AZI2: variants seen among roughly 807,000 people sequenced by gnomAD.
AZI2 encodes the protein 5-azacytidine-induced protein 2.
AZI2 carries 22 observed loss-of-function variants against 45.8 expected under a neutral mutation model. The observed-to-expected ratio is 0.48, with a 90% confidence interval of 0.34 to 0.69. The LOEUF (loss-of-function observed/expected upper bound fraction) is 0.69, where lower values mean the gene tolerates loss of function less well. Ranked by LOEUF, AZI2 falls within the 30% of genes least tolerant of loss-of-function variation. AZI2 has a pLI of 0.01. For missense variants in AZI2, 417 were observed against 441.5 expected, an observed-to-expected ratio of 0.94 and a Z score of 0.50; for synonymous variants, 137 against 156.7, an observed-to-expected ratio of 0.87 and a Z score of 0.94.
intron 1 of AZI2, among the ~76,000 whole-genome samples, chr3:28,344,012 A>AT (rs34560970): frequency 0.25 from 37,302 of 151,728 alleles, 4,847 homozygotes; most frequent in Admixed American, 0.3. Context: ...GCATAAAAGG[A>AT]TTTTTCAAGT....
intron 1 of AZI2, among the ~76,000 whole-genome samples, chr3:28,344,632 T>A (rs1484788265): frequency 2.0e-5 from 3 of 152,126 alleles, no homozygotes; most frequent in Non-Finnish European, 4.4e-5. Context: ...TCTGATTTTC[T>A]AGATAAATGG....
chr3:28,328,750 CTT>C (rs879775657), intron 6 of AZI2, among the ~76,000 whole-genome samples: 1 of 151,222 alleles, frequency 6.6e-6, no homozygotes, highest in Admixed American at 6.6e-5. Context: ...AGCTCTCCCT[CTT>C]GTGGATAAGA....
At chr3:28,329,270 TGAG>T (rs1441062800) in intron 6 of AZI2, among the ~76,000 whole-genome samples, 1 of 151,180 alleles carries the variant, frequency 6.6e-6, no homozygotes, top group Non-Finnish European at 1.5e-5. Context: ...GGAAATGGGT[TGAG>T]AAGTCTACTC....
rs1703197121 is a variant in AZI2 at position 28,321,821 on chromosome 3, TTAGC to T, written c.*2217_*2220del. 6.6e-6 allele frequency: 1 copy of T among 151,342 alleles called. No individual in the cohort carries two copies. The highest frequency in any genetic ancestry group is 2.4e-5 in the African/African-American group (1 of 41,350). The allele number at this position is 151,342 out of a possible 1,614,324, so 9.4% of individuals were successfully genotyped here. A position where few individuals can be genotyped will look rare whatever the true frequency, so the allele number is the denominator to read the frequency against. On this transcript the variant is annotated 3_prime_UTR_variant, in exon 8 of 8. Transcript: ENST00000479665. ...AAGTCTTACAGATGTAAATTTTACT[TTAGC>T]TAATAAGGGAGCAAGAGGAAGGAAT...
chr3:28,335,719 A>G (rs1703763446), intron 5 of AZI2, among the ~76,000 whole-genome samples: 1 of 151,988 alleles, frequency 6.6e-6, no homozygotes, highest in South Asian at 2.1e-4. Flanking sequence ...AGCTCCATCT[A>G]AGAACACTTG....
At chr3:28,329,498 G>T (rs1369799644) in intron 6 of AZI2, among the ~76,000 whole-genome samples, 1 of 151,108 alleles carries the variant, frequency 6.6e-6, no homozygotes, top group Non-Finnish European at 1.5e-5. Flanking sequence ...ACAACTGAAG[G>T]AGGGAGTACA....
intron 1 of AZI2, among the ~76,000 whole-genome samples, chr3:28,343,442 G>T (rs1210635518): frequency 1.3e-5 from 2 of 151,912 alleles, no homozygotes; most frequent in Non-Finnish European, 2.9e-5. Flanking sequence ...GGTCCTTCCT[G>T]GTAGAGGCAC....
intron 5 of AZI2, 43 bp downstream of exon 5, chr3:28,336,694 C>T (rs1703805431): frequency 6.4e-7 from 1 of 1,574,534 alleles, no homozygotes; most frequent in Admixed American, 1.7e-5. Flanking sequence ...ACATATGATA[C>T]ACAAAAAATA....
chr3:28,332,532 T>A, intron 5 of AZI2, 105 bp from the exon 6 acceptor site: 5 of 830,882 alleles, frequency 6.0e-6, no homozygotes, highest in Non-Finnish European at 7.6e-6. Flanking sequence ...ACAGAATATA[T>A]CTGTAAGTGC....
rs1203987903 is a variant in AZI2 at position 28,322,142 on chromosome 3, T to C, written c.*1900A>G. ...AATCTTTCCTTACTAAAGAACCTTA[T>C]ACATCATTTGTCTAACACTTTAAAC... On this transcript the variant is annotated 3_prime_UTR_variant, in exon 8 of 8. Transcript: ENST00000479665. 1 of 151,286 alleles carries C rather than the reference T, an allele frequency of 6.6e-6. No individual in the cohort carries two copies. Among genetic ancestry groups the C allele is most frequent in the Non-Finnish European group, 1.5e-5 (1 of 67,444 alleles). The allele number at this position is 151,286 out of a possible 1,614,324, so 9.4% of individuals were successfully genotyped here. A position where few individuals can be genotyped will look rare whatever the true frequency, so the allele number is the denominator to read the frequency against.
chr3:28,330,230 C>T (rs1189423134), intron 6 of AZI2, among the ~76,000 whole-genome samples: 2 of 151,090 alleles, frequency 1.3e-5, no homozygotes, highest in Non-Finnish European at 3.0e-5. Flanking sequence ...ATGTTTTATA[C>T]AAGGAGTATC....
chr3:28,322,001 A>C lies in AZI2; in HGVS notation c.*2041T>G, dbSNP rs1703202127. 1 of 151,384 alleles carries C rather than the reference A, an allele frequency of 6.6e-6. No individual in the cohort carries two copies. The highest frequency in any genetic ancestry group is 1.9e-4 in the East Asian group (1 of 5,162). 9.4% of individuals were successfully genotyped at this position (151,384 alleles called of 1,614,324 possible). Reference sequence around the variant, plus strand: ...AAGTCAACATAAAATATTCAATTTTAAATAGATTCATAAGCTACAGATGGG... The same window carrying C: ...AAGTCAACATAAAATATTCAATTTTCAATAGATTCATAAGCTACAGATGGG... On this transcript the variant is annotated 3_prime_UTR_variant, in exon 8 of 8. Coordinates refer to ENST00000479665, the MANE Select transcript of AZI2 (RefSeq NM_022461.5).
intron 1 of AZI2, 25 bp from the exon 2 acceptor site, chr3:28,340,647 G>A: frequency 5.3e-6 from 8 of 1,517,268 alleles, no homozygotes; most frequent in African/African-American, 1.4e-5. Flanking sequence ...AAAAATATGA[G>A]TGACAAATGT....
chr3:28,334,130 C>T (rs905210217), intron 5 of AZI2, among the ~76,000 whole-genome samples: 3 of 151,616 alleles, frequency 2.0e-5, no homozygotes, highest in Non-Finnish European at 4.4e-5. Context: ...AGTTCCCTCA[C>T]TAAATATTTA....
chr3:28,327,393 T>TA (rs1293763079), intron 6 of AZI2, among the ~76,000 whole-genome samples: 1 of 151,086 alleles, frequency 6.6e-6, no homozygotes, highest in African/African-American at 2.4e-5. Flanking sequence ...ATTGAAATGA[T>TA]ATATCAACTG....
chr3:28,325,716 C>G (rs1156534624), intron 7 of AZI2, among the ~76,000 whole-genome samples: 4 of 151,030 alleles, frequency 2.6e-5, no homozygotes. Context: ...ACATTGAAAA[C>G]TCAATGCAGA....
Position 28,326,954 on chromosome 3 carries a change from A to T in AZI2, c.648-4T>A. On this transcript the variant is annotated splice_polypyrimidine_tract_variant and splice_region_variant and intron_variant, in intron 6 of 7. Coordinates refer to ENST00000479665, the MANE Select transcript of AZI2 (RefSeq NM_022461.5). ...GTATGCATGCTGCATATTATCACTG[A>T]AATAAATTTTTTTACAAAAAGTTAA... The T allele has an allele frequency of 6.3e-7, 1 of 1,593,354 alleles. No homozygotes were observed. Among genetic ancestry groups the T allele is most frequent in the Middle Eastern group, 1.7e-4 (1 of 5,974 alleles).
intron 6 of AZI2, among the ~76,000 whole-genome samples, chr3:28,329,802 T>C (rs1180906888): frequency 2.0e-5 from 3 of 151,366 alleles, no homozygotes; most frequent in African/African-American, 4.8e-5. Context: ...TCATTTTTTA[T>C]TGCAAGGCAC....
chr3:28,323,252 G>T lies in AZI2; in HGVS notation c.*790C>A. 1 of 151,262 alleles carries T rather than the reference G, an allele frequency of 6.6e-6. No homozygotes were observed. 9.4% of individuals were successfully genotyped at this position (151,262 alleles called of 1,614,324 possible). A position where few individuals can be genotyped will look rare whatever the true frequency, so the allele number is the denominator to read the frequency against. ...TGTTTATATTATGGCCCACAGAAGG[G>T]CAGATTAGACTGAAATCTGTGTGAT... On this transcript the variant is annotated 3_prime_UTR_variant, in exon 8 of 8. Coordinates refer to ENST00000479665, the MANE Select transcript of AZI2 (RefSeq NM_022461.5).
Sources: gnomAD v4.1 joint callset for allele counts (sites outside exome capture counted in the v4.1 genomes callset) on GRCh38, gnomAD v4.1.1 for gene constraint, MANE v1.5 for transcripts, NCBI Gene and HGNC (gene_info 2026-07-23, HGNC 2026-07-21) for gene names.